Variants in RNF216 observed in about 807,000 individuals in gnomAD.
The protein encoded by RNF216 is E3 ubiquitin-protein ligase RNF216.
Under a neutral mutation model 110.8 loss-of-function variants are expected in RNF216, and 72 were observed. That is an observed-to-expected ratio of 0.65 (90% CI 0.54 to 0.79). RNF216 has a LOEUF of 0.79. Ranked by LOEUF, RNF216 falls within the 30% of genes least tolerant of loss-of-function variation. The pLI is 0.00. For missense variants in RNF216, 1,342 were observed against 1,141.2 expected, an observed-to-expected ratio of 1.18 and a Z score of -2.54; for synonymous variants, 495 against 407.5, an observed-to-expected ratio of 1.21 and a Z score of -2.59.
Position 5,621,163 on chromosome 7 carries a change from G to C in RNF216, c.*1697C>G, listed in dbSNP as rs1367033828. ...TCCTGGGCAAAGGCAGAAAGAATGGGTATCTTAGTTTTTTTTTTTTTTTTT... is the reference window on the plus strand; with the variant it reads ...TCCTGGGCAAAGGCAGAAAGAATGGCTATCTTAGTTTTTTTTTTTTTTTTT... On this transcript the variant is annotated 3_prime_UTR_variant, in exon 17 of 17. Coordinates refer to ENST00000389902, the MANE Select transcript of RNF216 (RefSeq NM_207111.4). 2.9e-5 allele frequency: 4 copies of C among 139,194 alleles called. No individual in the cohort carries two copies. Among genetic ancestry groups the C allele is most frequent in the African/African-American group, 1.3e-4 (4 of 31,302 alleles). The allele number at this position is 139,194 out of a possible 1,614,324, so 8.6% of individuals were successfully genotyped here. A position where few individuals can be genotyped will look rare whatever the true frequency, so the allele number is the denominator to read the frequency against.
chr7:5,655,620 C>CA (rs905750651), intron 13 of RNF216, among the ~76,000 whole-genome samples: 5 of 150,582 alleles, frequency 3.3e-5, no homozygotes, highest in South Asian at 4.2e-4. Flanking sequence ...AAAGGGGGGA[C>CA]AAAAAAAGAC....
chr7:5,621,018 T>G lies in RNF216; in HGVS notation c.*1842A>C, dbSNP rs933676707. ...ACTGTCGTTCAGGCTAGTAGCAAAG[T>G]TCAGGCAGTCCAACAGGTATGGGCG... On this transcript the variant is annotated 3_prime_UTR_variant, in exon 17 of 17. Transcript: ENST00000389902. The G allele has an allele frequency of 6.6e-6, 1 of 152,238 alleles. No individual in the cohort carries two copies. Among genetic ancestry groups the G allele is most frequent in the Non-Finnish European group, 1.5e-5 (1 of 68,072 alleles). 9.4% of individuals were successfully genotyped at this position (152,238 alleles called of 1,614,324 possible).
At chr7:5,648,727 C>CAA (rs10684747) in intron 14 of RNF216, among the ~76,000 whole-genome samples, 991 of 89,966 alleles carry the variant, frequency 0.011, 17 homozygotes, top group African/African-American at 0.033. Flanking sequence ...GACTCTGTCT[C>CAA]AAAAAAAAAA....
chr7:5,634,179 C>A (rs1410438772), intron 15 of RNF216, among the ~76,000 whole-genome samples: 1 of 152,128 alleles, frequency 6.6e-6, no homozygotes, highest in Non-Finnish European at 1.5e-5. Context: ...TGTCCACGTG[C>A]CTGCTGGCCA....
intron 15 of RNF216, among the ~76,000 whole-genome samples, chr7:5,631,675 A>G (rs1259191923): frequency 6.6e-6 from 1 of 152,228 alleles, no homozygotes; most frequent in East Asian, 1.9e-4. Flanking sequence ...ACATAAAAAA[A>G]AAAATGCCAT....
At chr7:5,627,701 C>T (rs902228600) in intron 15 of RNF216, among the ~76,000 whole-genome samples, 9 of 151,374 alleles carry the variant, frequency 5.9e-5, no homozygotes, top group Non-Finnish European at 1.2e-4. Context: ...GAGCCGAGAT[C>T]GCGCCACTGC....
chr7:5,621,199 A>C lies in RNF216; in HGVS notation c.*1661T>G, dbSNP rs1203475622. On this transcript the variant is annotated 3_prime_UTR_variant, in exon 17 of 17. Coordinates refer to ENST00000389902, the MANE Select transcript of RNF216 (RefSeq NM_207111.4). ...TTTTTTTTTTTTTTTTTAAAGATAG[A>C]GTTTTGCTTTTGTTGCTCAGGCTGG... The C allele has an allele frequency of 7.1e-6, 1 of 140,352 alleles. No homozygotes were observed. The highest frequency in any genetic ancestry group is 2.1e-4 in the East Asian group (1 of 4,744). 8.7% of individuals were successfully genotyped at this position (140,352 alleles called of 1,614,324 possible). A position where few individuals can be genotyped will look rare whatever the true frequency, so the allele number is the denominator to read the frequency against.
At chr7:5,689,898 G>A (rs1420800865) in intron 13 of RNF216, among the ~76,000 whole-genome samples, 1 of 149,336 alleles carries the variant, frequency 6.7e-6, no homozygotes, top group Non-Finnish European at 1.5e-5. Context: ...CCAAGATTGC[G>A]CCACTGCATT....
At chr7:5,707,068 T>C (rs1381375913) in intron 13 of RNF216, among the ~76,000 whole-genome samples, 1 of 152,244 alleles carries the variant, frequency 6.6e-6, no homozygotes, top group Non-Finnish European at 1.5e-5. Context: ...GCACCCTTGT[T>C]GAAGATCAGC....
At chr7:5,775,879 AG>A (rs1400367228) in intron 1 of RNF216, among the ~76,000 whole-genome samples, 1 of 151,366 alleles carries the variant, frequency 6.6e-6, no homozygotes, top group Non-Finnish European at 1.5e-5. Flanking sequence ...AAAAAAAAAA[AG>A]AAAAAGTGGG....
At chr7:5,773,837 G>T (rs1323376349) in intron 1 of RNF216, among the ~76,000 whole-genome samples, 2 of 152,162 alleles carry the variant, frequency 1.3e-5, no homozygotes, top group African/African-American at 4.8e-5. Context: ...AAAGTCCTGG[G>T]ATAACAGGCG....
chr7:5,757,689 A>C (rs959947028), intron 2 of RNF216, among the ~76,000 whole-genome samples: 1 of 152,348 alleles, frequency 6.6e-6, no homozygotes, highest in East Asian at 1.9e-4. Flanking sequence ...TGACAGAGTC[A>C]AAAAAAGCAG....
At chr7:5,677,619 A>C (rs1790387023) in intron 13 of RNF216, among the ~76,000 whole-genome samples, 1 of 152,124 alleles carries the variant, frequency 6.6e-6, no homozygotes, top group East Asian at 1.9e-4. Context: ...GCATCCTCAG[A>C]TTGGAAAGAA....
rs180905225 is a variant in RNF216, at chr7:5,689,376, A to G, written c.2061+22385T>C. The stretch of plus-strand genomic sequence containing the variant: ...ATTTGTAGTATTAAAAAAAAAAAAA[A>G]AAAGAAAGAAGAAGAAAAGTGAAAG... On this transcript the variant is annotated intron_variant, in intron 13 of 16. Coordinates refer to ENST00000389902, the MANE Select transcript of RNF216 (RefSeq NM_207111.4). Among the ~76,000 whole-genome samples, 26 of 151,920 alleles carry G rather than the reference A, an allele frequency of 1.7e-4. 1 individual carries two copies. The highest frequency in any genetic ancestry group is 4.2e-4 in the South Asian group (2 of 4,816).
Position 5,635,776 on chromosome 7 carries a change from C to T in RNF216, c.2382+5378G>A, listed in dbSNP as rs1024783834. Among the ~76,000 whole-genome samples the T allele has an allele frequency of 2.6e-5, 4 of 152,222 alleles. No homozygotes were observed. In the South Asian group the frequency reaches 6.2e-4, roughly 24 times the overall value. On this transcript the variant is annotated intron_variant, in intron 15 of 16. Transcript: ENST00000389902. The stretch of plus-strand genomic sequence containing the variant: ...ATGATACATCTGCCTTCGAGCACTG[C>T]TACAGAACTGAATGTATTAACATCT...
intron 3 of RNF216, among the ~76,000 whole-genome samples, chr7:5,750,637 T>A (rs1339799026): frequency 6.6e-6 from 1 of 152,204 alleles, no homozygotes; most frequent in Non-Finnish European, 1.5e-5. Context: ...GTCTCATGCC[T>A]AATGCATGGG....
chr7:5,672,818 G>C (rs958315347), intron 13 of RNF216, among the ~76,000 whole-genome samples: 4 of 152,144 alleles, frequency 2.6e-5, no homozygotes, highest in African/African-American at 9.7e-5. Context: ...AGAGCACTGG[G>C]AGGCGAGGAG....
In RNF216 at chr7:5,696,842, G is replaced by A. The variant is rs1434877796; in HGVS notation, c.2061+14919C>T. Among the ~76,000 whole-genome samples, 6 of 152,140 alleles carry A rather than the reference G, an allele frequency of 3.9e-5. No individual in the cohort carries two copies. Among genetic ancestry groups the A allele is most frequent in the Non-Finnish European group, 8.8e-5 (6 of 68,014 alleles). The stretch of plus-strand genomic sequence containing the variant: ...AGGTTACTAGAAATGACTTGCCATA[G>A]TGACTACATTGGCAAGGTGTTCCAA... On this transcript the variant is annotated intron_variant, in intron 13 of 16. Coordinates refer to ENST00000389902, the MANE Select transcript of RNF216 (RefSeq NM_207111.4). This position sits in a 1 kb window ranked among gnomAD's most constrained non-coding sequence, Gnocchi z 5.4.
At chr7:5,731,902 T>A (rs1794111933) in intron 5 of RNF216, among the ~76,000 whole-genome samples, 1 of 144,982 alleles carries the variant, frequency 6.9e-6, no homozygotes, top group Non-Finnish European at 1.5e-5. Flanking sequence ...TGGGGACCGG[T>A]TTGGAGAGGT....
Sources: gnomAD v4.1 joint callset for allele counts (sites outside exome capture counted in the v4.1 genomes callset) on GRCh38, gnomAD v4.1.1 for gene constraint, Gnocchi (gnomAD v3.1) non-coding constraint, MANE v1.5 for transcripts, NCBI Gene and HGNC (gene_info 2026-07-23, HGNC 2026-07-21) for gene names.